PRKG2: variants seen among roughly 807,000 people sequenced by gnomAD.
PRKG2 encodes the protein protein kinase cGMP-dependent 2, also known as cGMP-dependent protein kinase 2.
PRKG2 carries 33 observed loss-of-function variants against 97.2 expected under a neutral mutation model. The ratio of observed to expected loss-of-function variants is 0.34; its 90% CI spans 0.26 to 0.45. The LOEUF (loss-of-function observed/expected upper bound fraction) is 0.45. Among genes scored for constraint, PRKG2 ranks in the 20% least tolerant of loss-of-function variants. The pLI, the probability that PRKG2 is intolerant of heterozygous loss-of-function variation, is 1.00. For missense variants in PRKG2, 638 were observed against 900.0 expected (o/e 0.71, Z 3.73); for synonymous variants, 330 against 321.8 (o/e 1.03, Z -0.27).
At chr4:81,151,843 T>C in intron 8 of PRKG2, 117 bp downstream of exon 8, 1 of 741,510 alleles carries the variant, frequency 1.3e-6, no homozygotes, top group East Asian at 2.8e-5. Context: ...AAATATTTAA[T>C]ATTAGGATAT....
upstream of PRKG2, among the ~76,000 whole-genome samples, chr4:81,216,151 C>T (rs1201940668): frequency 1.3e-5 from 2 of 152,044 alleles, no homozygotes; most frequent in African/African-American, 4.8e-5. Flanking sequence ...CACATGGTGG[C>T]AGTGGGGCTC....
chr4:81,135,461 A>T (rs1022291004), intron 13 of PRKG2, among the ~76,000 whole-genome samples, 165 bp from the exon 14 acceptor site: 8 of 152,220 alleles, frequency 5.3e-5, no homozygotes, highest in Non-Finnish European at 1.2e-4. Flanking sequence ...AGCTGTTTGC[A>T]GATCATAAAG....
At chr4:81,126,152 T>A (rs897875013) in intron 14 of PRKG2, among the ~76,000 whole-genome samples, 13 of 152,172 alleles carry the variant, frequency 8.5e-5, no homozygotes, top group African/African-American at 3.1e-4. Flanking sequence ...CCTGTGTTAA[T>A]TTGCTGAGAA....
At chr4:81,156,350 T>C (rs1336177006) in intron 6 of PRKG2, among the ~76,000 whole-genome samples, 1 of 152,050 alleles carries the variant, frequency 6.6e-6, no homozygotes, top group Non-Finnish European at 1.5e-5. Context: ...TATTTAATGG[T>C]AAAGGGATCA....
At chr4:81,152,445 G>T (rs188961582) in intron 7 of PRKG2, among the ~76,000 whole-genome samples, 1 of 152,286 alleles carries the variant, frequency 6.6e-6, no homozygotes, top group East Asian at 1.9e-4. Flanking sequence ...AAATAAGGTT[G>T]AGTATCAGTA....
intron 2 of PRKG2, among the ~76,000 whole-genome samples, chr4:81,176,345 T>C (rs1023642527): frequency 2.6e-5 from 4 of 152,202 alleles, no homozygotes; most frequent in African/African-American, 7.2e-5. Flanking sequence ...CTTAAGCTTC[T>C]AGCCGATTTT....
Position 81,088,082 on chromosome 4 carries a change from G to C in PRKG2, c.*1626C>G, listed in dbSNP as rs1741250419. ...CTTAGAAATTCTTTAAGCAGGTTAT[G>C]TCAATCCTATTAAAAATGATTATTC... On this transcript the variant is annotated 3_prime_UTR_variant, in exon 19 of 19. Coordinates refer to ENST00000264399, the MANE Select transcript of PRKG2 (RefSeq NM_006259.3). 6.6e-6 allele frequency: 1 copy of C among 152,070 alleles called. No homozygotes were observed. The highest frequency in any genetic ancestry group is 1.5e-5 in the Non-Finnish European group (1 of 67,996). 9.4% of individuals were successfully genotyped at this position (152,070 alleles called of 1,614,324 possible). A position where few individuals can be genotyped will look rare whatever the true frequency, so the allele number is the denominator to read the frequency against.
chr4:81,100,229 G>A (rs1277602964), intron 17 of PRKG2, among the ~76,000 whole-genome samples: 1 of 151,954 alleles, frequency 6.6e-6, no homozygotes, highest in Non-Finnish European at 1.5e-5. Flanking sequence ...AGTTCATATG[G>A]AACCAAAAAA....
chr4:81,204,149 A>G (rs954587199), intron 2 of PRKG2, among the ~76,000 whole-genome samples: 2 of 152,140 alleles, frequency 1.3e-5, no homozygotes, highest in African/African-American at 4.8e-5. Flanking sequence ...GAATGAATGA[A>G]TGAATTCATC....
At chr4:81,124,257 T>C (rs769603707) in intron 14 of PRKG2, among the ~76,000 whole-genome samples, 2 of 152,252 alleles carry the variant, frequency 1.3e-5, no homozygotes, top group East Asian at 1.9e-4. Context: ...CTATTGTTGC[T>C]GTTGAGGTGT....
At chr4:81,163,545 C>A (rs1016916375) in intron 6 of PRKG2, among the ~76,000 whole-genome samples, 5 of 152,104 alleles carry the variant, frequency 3.3e-5, no homozygotes, top group Non-Finnish European at 7.4e-5. Flanking sequence ...ACTTACTATT[C>A]TGATTTTTTA....
chr4:81,165,129 G>A (rs1033100481), intron 6 of PRKG2: 2 of 152,008 alleles, frequency 1.3e-5, no homozygotes, highest in Non-Finnish European at 2.9e-5. Context: ...TCCCACCCTC[G>A]TTTTCTTATC....
At chr4:81,186,942 C>T (rs1319815742) in intron 2 of PRKG2, among the ~76,000 whole-genome samples, 1 of 151,978 alleles carries the variant, frequency 6.6e-6, no homozygotes, top group African/African-American at 2.4e-5. Context: ...TCAAATGCCT[C>T]AACAGACCAA....
intron 14 of PRKG2, among the ~76,000 whole-genome samples, chr4:81,117,691 T>C (rs1212484597): frequency 6.6e-6 from 1 of 152,206 alleles, no homozygotes; most frequent in Non-Finnish European, 1.5e-5. Context: ...AGACTTCACT[T>C]TTTTAGAGCA....
intron 2 of PRKG2, among the ~76,000 whole-genome samples, chr4:81,182,908 C>T (rs184366300): frequency 1.1e-3 from 162 of 151,810 alleles, no homozygotes; most frequent in African/African-American, 3.8e-3. Context: ...AGGAATATAC[C>T]ATGGTCATAG....
At chr4:81,185,843 C>G (rs141026540) in intron 2 of PRKG2, among the ~76,000 whole-genome samples, 1,968 of 152,246 alleles carry the variant, frequency 0.013, 26 homozygotes, top group African/African-American at 0.036. Context: ...ATAAAACAGA[C>G]TTTAAACCTA....
chr4:81,119,447 A>G (rs773608397), intron 14 of PRKG2, among the ~76,000 whole-genome samples: 1 of 152,096 alleles, frequency 6.6e-6, no homozygotes, highest in Admixed American at 6.5e-5. Flanking sequence ...TCTGGGCTCT[A>G]TATTTTGTTC....
At chr4:81,119,108 A>C (rs1744833747) in intron 14 of PRKG2, among the ~76,000 whole-genome samples, 1 of 152,116 alleles carries the variant, frequency 6.6e-6, no homozygotes, top group Non-Finnish European at 1.5e-5. Flanking sequence ...AGAAGCTTTT[A>C]ATTTTAATGA....
intron 4 of PRKG2, 86 bp downstream of exon 4, chr4:81,171,605 G>A (rs1469671076): frequency 2.1e-6 from 2 of 967,554 alleles, no homozygotes; most frequent in African/African-American, 1.6e-5. Context: ...GAAACAGACT[G>A]TGGATCAGGG....
Sources: gnomAD v4.1 joint callset for allele counts (sites outside exome capture counted in the v4.1 genomes callset) on GRCh38, gnomAD v4.1.1 for gene constraint, MANE v1.5 for transcripts, NCBI Gene and HGNC (gene_info 2026-07-23, HGNC 2026-07-21) for gene names.